MEF2C: variants seen among roughly 807,000 people sequenced by gnomAD.
MEF2C encodes myocyte enhancer factor 2C.
A neutral mutation model predicts 50.5 loss-of-function variants in MEF2C; 6 were observed. The observed-to-expected ratio is 0.12, with a 90% confidence interval of 0.07 to 0.23. The LOEUF is 0.23. Ranked by LOEUF, MEF2C falls within the 10% of genes least tolerant of loss-of-function variation. The pLI, the probability that MEF2C is intolerant of heterozygous loss-of-function variation, is 1.00. For missense variants in MEF2C, 276 were observed against 605.0 expected, an observed-to-expected ratio of 0.46 and a Z score of 5.70; for synonymous variants, 183 against 228.0, an observed-to-expected ratio of 0.80 and a Z score of 1.78.
intron 6 of MEF2C, chr5:88,733,254 G>A (rs1762455799): frequency 1.0e-6 from 1 of 985,198 alleles, no homozygotes; most frequent in Admixed American, 6.2e-5. Flanking sequence ...GCTGAGGTAG[G>A]AGTTTAAAGA....
intron 1 of MEF2C, among the ~76,000 whole-genome samples, chr5:88,877,183 G>A (rs917280536): frequency 6.6e-6 from 1 of 151,956 alleles, no homozygotes; most frequent in Non-Finnish European, 1.5e-5. Context: ...CCTGTAATAT[G>A]TTTACTGTTT....
intron 3 of MEF2C, among the ~76,000 whole-genome samples, chr5:88,788,501 C>T (rs1580721190): frequency 6.6e-6 from 1 of 151,892 alleles, no homozygotes; most frequent in Non-Finnish European, 1.5e-5. Context: ...TGAGCCACCT[C>T]GGCCAGCCCA....
intron 1 of MEF2C, among the ~76,000 whole-genome samples, chr5:88,846,364 G>A (rs1397843552): frequency 6.6e-6 from 1 of 152,034 alleles, no homozygotes; most frequent in African/African-American, 2.4e-5. Flanking sequence ...CACCATGCCT[G>A]GCCTACTTCA....
intron 1 of MEF2C, among the ~76,000 whole-genome samples, chr5:88,857,023 C>T (rs1823666018): frequency 6.6e-6 from 1 of 152,256 alleles, no homozygotes; most frequent in African/African-American, 2.4e-5. Flanking sequence ...CACAGACACT[C>T]AATGCCAGCC....
At chr5:88,740,117 G>A (rs1765902135) in intron 6 of MEF2C, 3 of 985,196 alleles carry the variant, frequency 3.0e-6, no homozygotes, top group Non-Finnish European at 2.4e-6. Context: ...TCTAAAAAGA[G>A]AGCTGTCTCT....
chr5:88,745,612 C>A (rs1769076905), intron 6 of MEF2C, among the ~76,000 whole-genome samples: 2 of 151,918 alleles, frequency 1.3e-5, no homozygotes, highest in South Asian at 4.2e-4. Flanking sequence ...GAGTTCAAGA[C>A]CAGCCTGAAA....
At chr5:88,827,071 C>T (rs1811203644) in intron 1 of MEF2C, 1 of 151,774 alleles carries the variant, frequency 6.6e-6, no homozygotes, top group Admixed American at 6.6e-5. Flanking sequence ...GGCTTCTGCT[C>T]ATTTTGAGTT....
chr5:88,880,304 G>A (rs1832422386), intron 1 of MEF2C, among the ~76,000 whole-genome samples: 1 of 152,052 alleles, frequency 6.6e-6, no homozygotes, highest in African/African-American at 2.4e-5. Context: ...TTCATCTTGT[G>A]ACCATTAATT....
chr5:88,746,883 C>T (rs1042452816), intron 6 of MEF2C, among the ~76,000 whole-genome samples: 3 of 152,152 alleles, frequency 2.0e-5, no homozygotes, highest in Non-Finnish European at 4.4e-5. Flanking sequence ...AACACTTTCA[C>T]AGCTATATAG....
chr5:88,738,777 C>T (rs747541506), intron 6 of MEF2C: 10 of 985,220 alleles, frequency 1.0e-5, no homozygotes, highest in Non-Finnish European at 1.1e-5. Context: ...GTAAGGTCAA[C>T]TTGGGCATAG....
upstream of MEF2C, chr5:88,887,302 A>G (rs1834119940): frequency 6.6e-6 from 1 of 152,234 alleles, no homozygotes; most frequent in Admixed American, 6.5e-5. Flanking sequence ...CAGTACTTGC[A>G]AAAGTAGGCC....
intron 1 of MEF2C, among the ~76,000 whole-genome samples, chr5:88,826,263 T>A (rs1456482992): frequency 1.3e-5 from 2 of 152,072 alleles, no homozygotes; most frequent in African/African-American, 4.8e-5. Flanking sequence ...AAAAATGCCA[T>A]TGAATATATT....
intron 3 of MEF2C, among the ~76,000 whole-genome samples, chr5:88,794,563 T>C (rs1278249434): frequency 6.6e-6 from 1 of 152,236 alleles, no homozygotes; most frequent in Non-Finnish European, 1.5e-5. Context: ...AGGGATAGAT[T>C]GCACAAATTT....
chr5:88,847,081 G>A (rs2153365343), intron 1 of MEF2C, among the ~76,000 whole-genome samples: 1 of 152,278 alleles, frequency 6.6e-6, no homozygotes. Context: ...GAATGATTTA[G>A]TATTCAATAG....
chr5:88,851,604 C>A (rs973501867), intron 1 of MEF2C, among the ~76,000 whole-genome samples: 140 of 152,210 alleles, frequency 9.2e-4, no homozygotes, highest in African/African-American at 3.3e-3. Context: ...GCTAATTTTT[C>A]TACTAGCTTT....
intron 1 of MEF2C, chr5:88,889,524 G>C (rs932609551): frequency 2.0e-5 from 3 of 153,216 alleles, no homozygotes; most frequent in African/African-American, 7.2e-5. Context: ...CAGGAGGCAG[G>C]CTCTGGGCCC....
intron 6 of MEF2C, chr5:88,735,802 T>A (rs1763826387): frequency 1.0e-6 from 1 of 985,310 alleles, no homozygotes; most frequent in African/African-American, 1.7e-5. Flanking sequence ...TGGCTTAAGA[T>A]ATTATGAGGA....
rs1004501279 is a variant in MEF2C at position 88,767,579 on chromosome 5, A to G, written c.259-6251T>C. Among the ~76,000 whole-genome samples the G allele has an allele frequency of 2.6e-5, 4 of 152,134 alleles. 1 individual carries two copies. Among genetic ancestry groups the G allele is most frequent in the Non-Finnish European group, 5.9e-5 (4 of 68,016 alleles). On this transcript the variant is annotated intron_variant, in intron 3 of 10. Transcript: ENST00000504921. ...AAAATATAAAACTGTACAATACTGT[A>G]TTTCTCTAGGTTATTTATTAATGCT...
At chr5:88,766,861 G>A (rs1780282657) in intron 3 of MEF2C, 3 of 979,650 alleles carry the variant, frequency 3.1e-6, no homozygotes, top group Non-Finnish European at 3.6e-6. Context: ...ACTTAGAAAA[G>A]GTAGTTTCCT....
Sources: allele counts gnomAD v4.1 joint callset (sites outside exome capture counted in the v4.1 genomes callset), GRCh38; gene constraint gnomAD v4.1.1; transcripts MANE v1.5; gene names NCBI Gene and HGNC (gene_info 2026-07-23, HGNC 2026-07-21).